Variants in ZFP41 observed in about 807,000 individuals in gnomAD.
ZFP41 encodes ZFP41 zinc finger protein.
In ZFP41, 10 loss-of-function variants were observed where a neutral mutation model predicts 11.6. The observed-to-expected ratio is 0.86, with a 90% confidence interval of 0.53 to 1.47. ZFP41 has a LOEUF of 1.47. Ranked by LOEUF, ZFP41 falls within the 40% of genes most tolerant of loss-of-function variation. ZFP41 has a pLI of 0.00. For missense variants in ZFP41, 302 were observed against 264.6 expected, an observed-to-expected ratio of 1.14 and a Z score of -0.98; for synonymous variants, 123 against 100.9, an observed-to-expected ratio of 1.22 and a Z score of -1.31.
In ZFP41 at chr8:143,248,882, C is replaced by G. The variant is rs191290033; in HGVS notation, c.-154-808C>G. ...CTAAACATTTTCCTGTAGAAAAGACCAGACCCTCCTTGTTGAGATAGGAAA... is the reference window on the plus strand; with the variant it reads ...CTAAACATTTTCCTGTAGAAAAGACGAGACCCTCCTTGTTGAGATAGGAAA... On this transcript the variant is annotated intron_variant, in intron 1 of 2. Transcript: ENST00000330701. Among the ~76,000 whole-genome samples, 303 of 152,310 alleles carry G rather than the reference C, an allele frequency of 2.0e-3. 1 individual carries two copies. Among genetic ancestry groups the G allele is most frequent in the Middle Eastern group, 3.4e-3 (1 of 294 alleles).
chr8:143,248,296 A>G (rs1816730233), intron 1 of ZFP41: 1 of 152,100 alleles, frequency 6.6e-6, no homozygotes, highest in South Asian at 2.1e-4. Flanking sequence ...AAAAGATACG[A>G]TCCTCGCCTT....
At chr8:143,251,686 G>A (rs1255163786) in intron 2 of ZFP41, among the ~76,000 whole-genome samples, 2 of 152,198 alleles carry the variant, frequency 1.3e-5, no homozygotes, top group Non-Finnish European at 2.9e-5. Context: ...TACACTGCCC[G>A]GATGATGGAG....
rs1814711483 is a variant in ZFP41, at chr8:143,250,516, C to T, written c.*76C>T. On this transcript the variant is annotated 3_prime_UTR_variant, in exon 2 of 3. Coordinates refer to ENST00000330701, the MANE Select transcript of ZFP41 (RefSeq NM_173832.6). The stretch of plus-strand genomic sequence containing the variant: ...CCTGCTCCGTGGCTCCCTCGTGTCC[C>T]GCGTCTGATGGGGGCGCAGGGCCGT... 1.3e-5 allele frequency: 20 copies of T among 1,550,370 alleles called. No individual in the cohort carries two copies. The highest frequency in any genetic ancestry group is 2.4e-5 in the South Asian group (2 of 81,672).
In ZFP41 at chr8:143,250,109, G is replaced by A. The variant is rs766431502; in HGVS notation, c.266G>A (p.Cys89Tyr). 1.9e-6 allele frequency: 3 copies of A among 1,614,176 alleles called. No homozygotes were observed. The highest frequency in any genetic ancestry group is 2.2e-5 in the East Asian group (1 of 44,880). Residue 89 changes from cysteine to tyrosine, a missense_variant, in exon 2 of 3, where the codon TGC (cysteine) becomes TAC (tyrosine). Physicochemically the swap from Cys to Tyr is radical, Grantham distance 194 (BLOSUM62 -2). Transcript: ENST00000330701. ...IPFQRKKPYE[C>Y]SECGRIFKHK... ...TTTCAGAGGAAGAAACCCTATGAGT[G>A]CAGTGAGTGTGGGCGGATCTTTAAG...
intron 2 of ZFP41, among the ~76,000 whole-genome samples, chr8:143,254,029 G>A (rs924324273): frequency 3.9e-5 from 6 of 152,186 alleles, no homozygotes; most frequent in South Asian, 2.1e-4. Context: ...TAATGCCACC[G>A]CTGATCTGAC....
intron 2 of ZFP41, among the ~76,000 whole-genome samples, chr8:143,254,199 C>T (rs895191510): frequency 3.3e-5 from 5 of 152,208 alleles, no homozygotes; most frequent in Non-Finnish European, 7.3e-5. Flanking sequence ...TGCAGCCTCA[C>T]CAGAAGCCAA....
intron 2 of ZFP41, among the ~76,000 whole-genome samples, chr8:143,254,570 G>A (rs929496794): frequency 6.6e-6 from 1 of 151,308 alleles, no homozygotes; most frequent in Non-Finnish European, 1.5e-5. Context: ...CATTTGGTTT[G>A]ATTTTACTTA....
rs1166750516 is a variant in ZFP41, at chr8:143,250,448, C to T, written c.*8C>T. The T allele has an allele frequency of 6.2e-7, 1 of 1,605,648 alleles. No homozygotes were observed. Among genetic ancestry groups the T allele is most frequent in the Non-Finnish European group, 8.5e-7 (1 of 1,175,164 alleles). On this transcript the variant is annotated 3_prime_UTR_variant, in exon 2 of 3. Coordinates refer to ENST00000330701, the MANE Select transcript of ZFP41 (RefSeq NM_173832.6). ...CCTCGGAAGAAGCCCTGAGCCGGGG[C>T]CATCTGCGGACTCGGGCCCTGCGGT...
rs1223522477 is a variant in ZFP41 at position 143,250,028 on chromosome 8, A to G, written c.185A>G (p.Asp62Gly). Residue 62 changes from aspartate (D) to glycine (G), a missense_variant, in exon 2 of 3, where the codon GAT (aspartate) becomes GGT (glycine). Coordinates refer to ENST00000330701, the MANE Select transcript of ZFP41 (RefSeq NM_173832.6). Reference sequence around the variant, plus strand: ...CCTGAAGACGAAGAGCACGTCTTTGATGCCTTCGACGCTTCATTTAAAGAT... The same window carrying G: ...CCTGAAGACGAAGAGCACGTCTTTGGTGCCTTCGACGCTTCATTTAAAGAT... ...LSPEDEEHVF[D>G]AFDASFKDDF... 2 of 1,614,136 alleles carry G rather than the reference A, an allele frequency of 1.2e-6. No homozygotes were observed. The highest frequency in any genetic ancestry group is 4.5e-5 in the East Asian group (2 of 44,884).
At chr8:143,254,779 C>T (rs562792240) in intron 2 of ZFP41, among the ~76,000 whole-genome samples, 59 of 152,022 alleles carry the variant, frequency 3.9e-4, no homozygotes, top group Middle Eastern at 6.8e-3. Context: ...ATTTCAGGCA[C>T]GCACCACCAC....
In ZFP41 at chr8:143,260,197, G is replaced by A. The variant is rs1055192274; in HGVS notation, c.*1323G>A. ...GAAGCACCTTCTGAAATCGTGCAGG[G>A]AAGCACCCTCTGAAATCGTGCAGGG... On this transcript the variant is annotated 3_prime_UTR_variant, in exon 3 of 3. Coordinates refer to ENST00000330701, the MANE Select transcript of ZFP41 (RefSeq NM_173832.6). The A allele has an allele frequency of 1.3e-5, 2 of 152,124 alleles. No individual in the cohort carries two copies. Among genetic ancestry groups the A allele is most frequent in the African/African-American group, 4.8e-5 (2 of 41,248 alleles). The allele number at this position is 152,124 out of a possible 1,614,324, so 9.4% of individuals were successfully genotyped here.
rs1030952666 is a variant in ZFP41, at chr8:143,261,073, T to A, written c.*2199T>A. ...GTCTGGGGACGCAGCCGACCAGCCC[T>A]CCTTGTCTGGGCCTCTGTTTCCTCT... is the stretch of plus-strand genomic sequence containing the variant. On this transcript the variant is annotated 3_prime_UTR_variant, in exon 3 of 3. Transcript: ENST00000330701. The A allele has an allele frequency of 1.3e-5, 2 of 152,330 alleles. No individual in the cohort carries two copies. Among genetic ancestry groups the A allele is most frequent in the Non-Finnish European group, 2.9e-5 (2 of 68,136 alleles). 9.4% of individuals were successfully genotyped at this position (152,330 alleles called of 1,614,324 possible). A position where few individuals can be genotyped will look rare whatever the true frequency, so the allele number is the denominator to read the frequency against.
In ZFP41 at chr8:143,260,115, G is replaced by A. The variant is rs192200886; in HGVS notation, c.*1241G>A. 8.1e-4 allele frequency: 123 copies of A among 151,568 alleles called. No homozygotes were observed. The highest frequency in any genetic ancestry group is 1.6e-3 in the Non-Finnish European group (108 of 68,332). The allele number at this position is 151,568 out of a possible 1,614,324, so 9.4% of individuals were successfully genotyped here. ...GTGCAGGGAAGCACCCTCTGAAATC[G>A]TGCAGGGAAGCACCCTCTGAAATCG... is the stretch of plus-strand genomic sequence containing the variant. On this transcript the variant is annotated 3_prime_UTR_variant, in exon 3 of 3. Coordinates refer to ENST00000330701, the MANE Select transcript of ZFP41 (RefSeq NM_173832.6).
Position 143,261,849 on chromosome 8 carries a change from C to G in ZFP41, c.*2975C>G, listed in dbSNP as rs539208704. ...CCACGCCTGTCTCCGGCAGCCCCTG[C>G]CCGCACCCGCACCCCTGCACCTGCC... is the stretch of plus-strand genomic sequence containing the variant. On this transcript the variant is annotated 3_prime_UTR_variant, in exon 3 of 3. Transcript: ENST00000330701. 5.6e-6 allele frequency: 1 copy of G among 179,860 alleles called. No homozygotes were observed. Among genetic ancestry groups the G allele is most frequent in the East Asian group, 2.0e-4 (1 of 5,004 alleles). 11.1% of individuals were successfully genotyped at this position (179,860 alleles called of 1,614,324 possible).
At chr8:143,254,603 C>G (rs575805309) in intron 2 of ZFP41, among the ~76,000 whole-genome samples, 2 of 151,742 alleles carry the variant, frequency 1.3e-5, no homozygotes, top group Admixed American at 1.3e-4. Context: ...CGTTGCTTTT[C>G]CCCGTTACTG....
Position 143,255,080 on chromosome 8 carries a change from G to T in ZFP41, c.*900+3740G>T, listed in dbSNP as rs1478222346. ...TGCCCACAGAGACGCCTGCAGCAGC[G>T]CATGGCTGGCAGGACCACCTCAGCC... On this transcript the variant is annotated intron_variant, in intron 2 of 2. Coordinates refer to ENST00000330701, the MANE Select transcript of ZFP41 (RefSeq NM_173832.6). Among the ~76,000 whole-genome samples, 3 of 152,146 alleles carry T rather than the reference G, an allele frequency of 2.0e-5. No individual in the cohort carries two copies. In the South Asian group the frequency reaches 6.2e-4, roughly 32 times the overall value.
chr8:143,249,960 G>A lies in ZFP41; in HGVS notation c.117G>A (p.Arg39=), dbSNP rs752054170. 2.3e-5 allele frequency: 37 copies of A among 1,613,970 alleles called. No individual in the cohort carries two copies. Among genetic ancestry groups the A allele is most frequent in the African/African-American group, 2.7e-5 (2 of 74,928 alleles). The change falls in exon 2 of 3, where the codon AGG becomes AGA. Residue 39 remains arginine (R), a synonymous_variant. Transcript: ENST00000330701. ...CCGGGGACAGAAAGCCACCTGAGAGGCCCACTGTGCCCAGGAAGCCCCGCA... is the reference window on the plus strand; with the variant it reads ...CCGGGGACAGAAAGCCACCTGAGAGACCCACTGTGCCCAGGAAGCCCCGCA... ...KVSGDRKPPE[R]PTVPRKPRTE...
chr8:143,258,501 G>T (rs972888180), intron 2 of ZFP41, among the ~76,000 whole-genome samples: 2 of 152,316 alleles, frequency 1.3e-5, no homozygotes, highest in African/African-American at 4.8e-5. Context: ...AGAAGGGGAG[G>T]CCTCCTGAGC....
intron 2 of ZFP41, among the ~76,000 whole-genome samples, chr8:143,258,605 C>T (rs80316218): frequency 0.021 from 3,204 of 152,258 alleles, 118 homozygotes; most frequent in African/African-American, 0.073. Flanking sequence ...AGAATATGTG[C>T]AGCATTCATA....
Sources: gnomAD v4.1 joint callset for allele counts (sites outside exome capture counted in the v4.1 genomes callset) on GRCh38, gnomAD v4.1.1 for gene constraint, MANE v1.5 for transcripts, NCBI Gene and HGNC (gene_info 2026-07-23, HGNC 2026-07-21) for gene names.